RRM2: variants seen among roughly 807,000 people sequenced by gnomAD.
The protein encoded by RRM2 is ribonucleotide reductase regulatory subunit M2, also known as ribonucleoside-diphosphate reductase subunit M2.
RRM2 carries 6 observed loss-of-function variants against 45.9 expected under a neutral mutation model. The ratio of observed to expected loss-of-function variants is 0.13; its 90% CI spans 0.07 to 0.26. RRM2 has a LOEUF of 0.26. Ranked by LOEUF, RRM2 falls within the 10% of genes least tolerant of loss-of-function variation. The probability of loss-of-function intolerance (pLI) is 1.00; values close to 1 mark genes in which losing one functional copy is unlikely to be tolerated. For synonymous variants in RRM2, 177 were observed against 173.0 expected (o/e 1.02, Z -0.18); for missense variants, 343 against 489.5 (o/e 0.70, Z 2.82).
At position 10,173,209 on chromosome 2, in the gene RRM2, C is replaced by T. The variant is rs150440422; in HGVS notation, n.482+30834C>T. ...GAGAATGAGGTGTGCGAAGCTTGGC[C>T]GGCATGGGTTCCATAGCAGGCACTC... On this transcript the variant is annotated intron_variant and non_coding_transcript_variant, in intron 3 of 3. Transcript: ENST00000381786. Among the ~76,000 whole-genome samples, 52 of 152,258 alleles carry T rather than the reference C, an allele frequency of 3.4e-4. No individual in the cohort carries two copies. The East Asian group carries it at 5.8e-3, about 17-fold the overall frequency.
intron 3 of RRM2, among the ~76,000 whole-genome samples, chr2:10,184,951 C>T (rs1428509981): frequency 6.6e-6 from 1 of 152,190 alleles, no homozygotes. Flanking sequence ...GTTTCAGACC[C>T]GTCTCTGCCC....
At position 10,123,490 on chromosome 2, in the gene RRM2, T is replaced by C. The variant is rs1272247262; in HGVS notation, c.278T>C (p.Met93Thr). 1.9e-6 allele frequency: 3 copies of C among 1,613,986 alleles called. No homozygotes were observed. In the African/African-American group the frequency reaches 4.0e-5, roughly 22 times the overall value. ...ATCGAGTACCATGATATCTGGCAGA[T>C]GTATAAGAAGGCAGAGGCTTCCTTT... ...FPIEYHDIWQ[M>T]YKKAEASFWT... The change falls in exon 3 of 10, where the codon ATG becomes ACG. Residue 93 changes from methionine (M) to threonine (T), a missense_variant. Met to Thr is a moderately conservative substitution (Grantham distance 81, BLOSUM62 -1). Transcript: ENST00000304567.
At chr2:10,123,617 G>A in intron 3 of RRM2, 87 bp downstream of exon 3, 7 of 1,530,696 alleles carry the variant, frequency 4.6e-6, no homozygotes, top group Non-Finnish European at 6.2e-6. Flanking sequence ...TTGGCAAGGG[G>A]GGCTAACTGT....
chr2:10,147,634 C>T (rs1558387892), intron 3 of RRM2, among the ~76,000 whole-genome samples: 2 of 152,238 alleles, frequency 1.3e-5, no homozygotes, highest in African/African-American at 2.4e-5. Context: ...GTTGAGACTA[C>T]AGGTGTGAGC....
At chr2:10,200,491 C>CTG (rs1450577817) in intron 3 of RRM2, among the ~76,000 whole-genome samples, 9 of 48,256 alleles carry the variant, frequency 1.9e-4, no homozygotes, top group East Asian at 1.1e-3. Context: ...CCCACAGGCA[C>CTG]CGCGCACACA....
At chr2:10,210,579 A>T (rs773520898) in exon 4 of RRM2, 3 of 1,364,846 alleles carry the variant, frequency 2.2e-6, no homozygotes, top group Non-Finnish European at 2.9e-6. Context: ...CCATTCTCAG[A>T]CCCCCCAGGG....
chr2:10,189,361 G>T (rs1387318756), intron 3 of RRM2, among the ~76,000 whole-genome samples: 1 of 152,210 alleles, frequency 6.6e-6, no homozygotes, highest in Non-Finnish European at 1.5e-5. Flanking sequence ...GACAGGAATG[G>T]CTCATCAGCC....
At chr2:10,200,867 T>G (rs904562832) in intron 3 of RRM2, among the ~76,000 whole-genome samples, 3 of 152,080 alleles carry the variant, frequency 2.0e-5, no homozygotes, top group Non-Finnish European at 2.9e-5. Flanking sequence ...AGACTTTTGG[T>G]CGGGTGCCAT....
chr2:10,153,612 G>A (rs953972076), intron 3 of RRM2, among the ~76,000 whole-genome samples: 2 of 152,136 alleles, frequency 1.3e-5, no homozygotes, highest in African/African-American at 2.4e-5. Context: ...AAAGCCATCA[G>A]CAATACCAAG....
chr2:10,162,075 G>A (rs1663572180), intron 3 of RRM2, among the ~76,000 whole-genome samples: 1 of 152,222 alleles, frequency 6.6e-6, no homozygotes, highest in African/African-American at 2.4e-5. Context: ...ATCTGCTCCA[G>A]AACCCACAGC....
chr2:10,133,134 T>C (rs2125309545), downstream of RRM2, among the ~76,000 whole-genome samples: 1 of 152,304 alleles, frequency 6.6e-6, no homozygotes, highest in South Asian at 2.1e-4. Flanking sequence ...CAGTCCTGGG[T>C]GTGAATTATA....
At chr2:10,165,934 C>A (rs746288714) in intron 3 of RRM2, among the ~76,000 whole-genome samples, 1 of 152,158 alleles carries the variant, frequency 6.6e-6, no homozygotes, top group East Asian at 1.9e-4. Flanking sequence ...GGGAAGGAAG[C>A]CTGGACTGGG....
Position 10,127,038 on chromosome 2 carries a change from C to T in RRM2, c.665-49C>T. 2 of 1,610,890 alleles carry T rather than the reference C, an allele frequency of 1.2e-6. No individual in the cohort carries two copies. The highest frequency in any genetic ancestry group is 2.2e-5 in the East Asian group (1 of 44,814). On this transcript the variant is annotated intron_variant, in intron 6 of 9. Transcript: ENST00000304567. The surrounding 1 kb of genome is among the most constrained non-coding windows in gnomAD (Gnocchi z 4.1). ...CAAGTAATGTTACTGGATTTTTGGCCCTTGAATACCAACTCACTAGAATCA... is the reference window on the plus strand; with the variant it reads ...CAAGTAATGTTACTGGATTTTTGGCTCTTGAATACCAACTCACTAGAATCA...
chr2:10,209,917 A>T (rs1053091784), intron 3 of RRM2, among the ~76,000 whole-genome samples: 10 of 152,158 alleles, frequency 6.6e-5, no homozygotes, highest in African/African-American at 2.2e-4. Flanking sequence ...GGCACAGCTG[A>T]AATCTGTGCC....
intron 3 of RRM2, among the ~76,000 whole-genome samples, chr2:10,162,281 C>G (rs16855898): frequency 6.6e-6 from 1 of 152,120 alleles, no homozygotes; most frequent in Non-Finnish European, 1.5e-5. Flanking sequence ...TCGTTCATGT[C>G]GATTCTCTCA....
chr2:10,189,807 A>G (rs1664246604), intron 3 of RRM2, among the ~76,000 whole-genome samples: 1 of 152,264 alleles, frequency 6.6e-6, no homozygotes. Context: ...GGCTTCCTGA[A>G]GGCAGGGTCA....
intron 3 of RRM2, among the ~76,000 whole-genome samples, chr2:10,176,612 T>C (rs1663919856): frequency 6.7e-6 from 1 of 150,144 alleles, no homozygotes; most frequent in Non-Finnish European, 1.5e-5. Context: ...AGTGGCTGCA[T>C]CATTTTACAT....
intron 3 of RRM2, among the ~76,000 whole-genome samples, chr2:10,175,849 A>C (rs1572518153): frequency 6.6e-6 from 1 of 151,804 alleles, no homozygotes; most frequent in Admixed American, 6.6e-5. Flanking sequence ...CAAGTGATCC[A>C]CCTGCCTCAG....
In RRM2 at chr2:10,184,500, C is replaced by A. The variant is rs904125162; in HGVS notation, n.483-25811C>A. Among the ~76,000 whole-genome samples the A allele has an allele frequency of 7.9e-5, 12 of 152,244 alleles. 1 individual carries two copies. The highest frequency in any genetic ancestry group is 1.6e-4 in the Non-Finnish European group (11 of 68,040). On this transcript the variant is annotated intron_variant and non_coding_transcript_variant, in intron 3 of 3. Coordinates refer to the RRM2 transcript ENST00000381786. Reference sequence around the variant, plus strand: ...GTTGTGGGAGGCCCTGAGTCCTGGGCAAACTGGGACTGTTGGTCCAAACCG... The same window carrying A: ...GTTGTGGGAGGCCCTGAGTCCTGGGAAAACTGGGACTGTTGGTCCAAACCG...
Sources: gnomAD v4.1 joint callset for allele counts (sites outside exome capture counted in the v4.1 genomes callset) on GRCh38, gnomAD v4.1.1 for gene constraint, Gnocchi (gnomAD v3.1) non-coding constraint, MANE v1.5 for transcripts, NCBI Gene and HGNC (gene_info 2026-07-23, HGNC 2026-07-21) for gene names.